The following ENTHD1 variants were observed in gnomAD, a reference collection of about 807,000 sequenced individuals.
The protein encoded by ENTHD1 is ENTH domain-containing protein 1.
A neutral mutation model predicts 39.1 loss-of-function variants in ENTHD1; 23 were observed. That is an observed-to-expected ratio of 0.59 (90% confidence interval 0.42 to 0.83). The LOEUF (loss-of-function observed/expected upper bound fraction) is 0.83. Ranked by LOEUF, ENTHD1 falls within the 40% of genes least tolerant of loss-of-function variation. The pLI, the probability that ENTHD1 is intolerant of heterozygous loss-of-function variation, is 0.00. For missense variants in ENTHD1, 624 were observed against 705.4 expected, an observed-to-expected ratio of 0.88 and a Z score of 1.31; for synonymous variants, 230 against 258.2, an observed-to-expected ratio of 0.89 and a Z score of 1.05.
intron 2 of ENTHD1, among the ~76,000 whole-genome samples, chr22:39,871,665 G>C (rs768678238): frequency 1.7e-4 from 26 of 152,128 alleles, no homozygotes; most frequent in Non-Finnish European, 3.2e-4. Context: ...TAAATAAAGA[G>C]CTCCGTGGGA....
chr22:39,885,707 G>T (rs145102654), intron 2 of ENTHD1, among the ~76,000 whole-genome samples: 8 of 152,298 alleles, frequency 5.3e-5, no homozygotes, highest in African/African-American at 1.4e-4. Context: ...GGACATTATG[G>T]TAAGTGAAAT....
chr22:39,818,328 G>T (rs902162746), intron 5 of ENTHD1, among the ~76,000 whole-genome samples: 3 of 152,160 alleles, frequency 2.0e-5, no homozygotes, highest in Non-Finnish European at 4.4e-5. Context: ...GGCTAGATAT[G>T]CATCATGGAA....
chr22:39,792,306 G>A (rs988878743), intron 5 of ENTHD1, among the ~76,000 whole-genome samples: 2 of 151,948 alleles, frequency 1.3e-5, no homozygotes, highest in Non-Finnish European at 1.5e-5. Flanking sequence ...TTGAGGAATC[G>A]CCACACTGTC....
chr22:39,802,435 T>C (rs192261734), intron 5 of ENTHD1, among the ~76,000 whole-genome samples: 477 of 152,336 alleles, frequency 3.1e-3, no homozygotes, highest in Non-Finnish European at 5.8e-3. Flanking sequence ...CAGATTCTTT[T>C]TGGTCTCTTT....
At chr22:39,850,144 TC>T (rs1242856605) in intron 3 of ENTHD1, among the ~76,000 whole-genome samples, 4 of 152,208 alleles carry the variant, frequency 2.6e-5, no homozygotes, top group African/African-American at 9.6e-5. Context: ...AAGTTTCATG[TC>T]CTTCACCTAT....
intron 4 of ENTHD1, among the ~76,000 whole-genome samples, chr22:39,827,182 AT>A (rs2146660624): frequency 6.6e-6 from 1 of 151,802 alleles, no homozygotes; most frequent in South Asian, 2.1e-4. Flanking sequence ...CGCCTGGCTA[AT>A]TTTTTGTATT....
intron 5 of ENTHD1, among the ~76,000 whole-genome samples, chr22:39,772,095 T>G (rs187154848): frequency 1.8e-3 from 275 of 152,338 alleles, no homozygotes; most frequent in Middle Eastern, 6.8e-3. Flanking sequence ...GGACTGGTTT[T>G]GTGGAAGACA....
intron 3 of ENTHD1, among the ~76,000 whole-genome samples, chr22:39,857,655 G>A (rs2066105422): frequency 6.6e-6 from 1 of 152,014 alleles, no homozygotes; most frequent in African/African-American, 2.4e-5. Context: ...GGCACACCTT[G>A]AAGATACTGC....
At chr22:39,890,089 C>T (rs997351152) in intron 1 of ENTHD1, among the ~76,000 whole-genome samples, 3 of 145,360 alleles carry the variant, frequency 2.1e-5, no homozygotes, top group African/African-American at 2.6e-5. Flanking sequence ...TAGAGTGAGA[C>T]TCTGTCTCAA....
At chr22:39,863,722 T>C (rs1206822543) in intron 2 of ENTHD1, among the ~76,000 whole-genome samples, 1 of 152,222 alleles carries the variant, frequency 6.6e-6, no homozygotes, top group East Asian at 1.9e-4. Flanking sequence ...ATGTTCATTT[T>C]GGGCTCTAGG....
At chr22:39,866,070 GT>G (rs1483921295) in intron 2 of ENTHD1, among the ~76,000 whole-genome samples, 1 of 152,206 alleles carries the variant, frequency 6.6e-6, no homozygotes, top group African/African-American at 2.4e-5. Flanking sequence ...GCTTGAAACA[GT>G]CACATGCCCA....
At chr22:39,832,369 C>T (rs181182973) in intron 4 of ENTHD1, among the ~76,000 whole-genome samples, 2 of 151,906 alleles carry the variant, frequency 1.3e-5, no homozygotes, top group African/African-American at 2.4e-5. Flanking sequence ...TGGGCACCTA[C>T]GAAAGGAGAA....
At position 39,861,890 on chromosome 22, in the gene ENTHD1, A is replaced by C. The variant is rs371013997; in HGVS notation, c.467T>G (p.Leu156Trp). The change falls in exon 3 of 7, where the codon TTG becomes TGG. Residue 156 changes from leucine (L) to tryptophan (W), a missense_variant. By Grantham distance (61) the Leu-to-Trp change is moderately conservative (BLOSUM62 -2). Transcript: ENST00000325157. ...RTRQRTSHSILFSKRQLGSSN... is the reference protein window; with the variant it reads ...RTRQRTSHSIWFSKRQLGSSN... ...TGAACCAAGTTGTCTTTTAGAAAAC[A>C]ATATAGAGTGGGAGGTACGCTGTCT... 3.1e-6 allele frequency: 5 copies of C among 1,606,162 alleles called. No individual in the cohort carries two copies. Among genetic ancestry groups the C allele is most frequent in the African/African-American group, 1.3e-5 (1 of 74,898 alleles).
intron 5 of ENTHD1, among the ~76,000 whole-genome samples, chr22:39,788,860 G>A (rs1019797821): frequency 6.6e-6 from 1 of 152,038 alleles, no homozygotes; most frequent in Non-Finnish European, 1.5e-5. Context: ...ACTCACTGAG[G>A]GCTCAGATGA....
At chr22:39,845,474 G>A (rs1008022881) in intron 3 of ENTHD1, among the ~76,000 whole-genome samples, 8 of 151,980 alleles carry the variant, frequency 5.3e-5, no homozygotes, top group Admixed American at 2.0e-4. Flanking sequence ...AACACATTCC[G>A]GTAGAAAAAC....
intron 2 of ENTHD1, among the ~76,000 whole-genome samples, chr22:39,869,548 A>G (rs1365038557): frequency 2.6e-5 from 4 of 152,022 alleles, no homozygotes; most frequent in Non-Finnish European, 4.4e-5. Flanking sequence ...GATGGGATCA[A>G]TCATACCCCA....
intron 5 of ENTHD1, among the ~76,000 whole-genome samples, chr22:39,782,063 G>C (rs2065414760): frequency 6.6e-6 from 1 of 152,116 alleles, no homozygotes; most frequent in Non-Finnish European, 1.5e-5. Flanking sequence ...GAAGTGGGAG[G>C]ATCACTTGAG....
At chr22:39,860,864 A>AGAT (rs1374971998) in intron 3 of ENTHD1, among the ~76,000 whole-genome samples, 3 of 152,198 alleles carry the variant, frequency 2.0e-5, no homozygotes, top group Non-Finnish European at 4.4e-5. Context: ...TTGGTAGAAA[A>AGAT]GATGATAGCA....
intron 6 of ENTHD1, among the ~76,000 whole-genome samples, chr22:39,762,882 G>C (rs1306343337): frequency 6.6e-6 from 1 of 151,840 alleles, no homozygotes; most frequent in Non-Finnish European, 1.5e-5. Flanking sequence ...GATTACTGTG[G>C]ATCTGTTTCT....
Sources: gnomAD v4.1 joint callset for allele counts (sites outside exome capture counted in the v4.1 genomes callset) on GRCh38, gnomAD v4.1.1 for gene constraint, MANE v1.5 for transcripts, NCBI Gene and HGNC (gene_info 2026-07-23, HGNC 2026-07-21) for gene names.